EML6: variants seen among roughly 807,000 people sequenced by gnomAD.
EML6 encodes the protein EMAP like 6, also known as echinoderm microtubule-associated protein-like 6.
A neutral mutation model predicts 240.1 loss-of-function variants in EML6; 154 were observed. The observed-to-expected ratio is 0.64, with a 90% confidence interval of 0.56 to 0.73. The LOEUF (loss-of-function observed/expected upper bound fraction) is 0.73, where lower values mean the gene tolerates loss of function less well. Among genes scored for constraint, EML6 ranks in the 30% least tolerant of loss-of-function variants. The pLI is 0.00. For missense variants in EML6, 2,964 were observed against 2,474.6 expected (o/e 1.20, Z -4.20); for synonymous variants, 1,148 against 899.0 (o/e 1.28, Z -4.95).
rs1482177196 is a variant in EML6 at position 54,970,252 on chromosome 2, T to C, written c.*157T>C. The C allele has an allele frequency of 2.1e-5, 15 of 722,192 alleles. No individual in the cohort carries two copies. In the East Asian group the frequency reaches 3.5e-4, roughly 17 times the overall value. 44.7% of individuals were successfully genotyped at this position (722,192 alleles called of 1,614,324 possible). ...AACGCTGCAGAAGTTACACAACTGCTCCCATAATCTGGACTCTCCAAAACC... is the reference window on the plus strand; with the variant it reads ...AACGCTGCAGAAGTTACACAACTGCCCCCATAATCTGGACTCTCCAAAACC... On this transcript the variant is annotated 3_prime_UTR_variant, in exon 42 of 42. Transcript: ENST00000356458.
In EML6 at chr2:54,948,906, C is replaced by A; in HGVS notation, c.4029C>A (p.Pro1343=). 6.4e-7 allele frequency: 1 copy of A among 1,551,456 alleles called. No individual in the cohort carries two copies. The highest frequency in any genetic ancestry group is 8.7e-7 in the Non-Finnish European group (1 of 1,146,950). The change falls in exon 29 of 42, where the codon CCC becomes CCA. Residue 1343 remains proline (P), a synonymous_variant. Coordinates refer to ENST00000356458, the MANE Select transcript of EML6 (RefSeq NM_001039753.4). The stretch of plus-strand genomic sequence containing the variant: ...GACCACCCGTTAGCCGAGCAGCTCC[C>A]CAGCCTGAGAAACTGCAGAAGAACA... ...EERPPVSRAA[P]QPEKLQKNNI...
chr2:54,830,666 CCT>C (rs1668823985), intron 7 of EML6, among the ~76,000 whole-genome samples: 1 of 152,166 alleles, frequency 6.6e-6, no homozygotes, highest in African/African-American at 2.4e-5. Flanking sequence ...GAGAAAACAG[CCT>C]AGACGGCATA....
chr2:54,951,856 C>G (rs76413500), intron 30 of EML6, among the ~76,000 whole-genome samples: 3,139 of 152,246 alleles, frequency 0.021, 102 homozygotes, highest in African/African-American at 0.065. Flanking sequence ...TATATATTTT[C>G]TTCACTTTCT....
At chr2:54,928,255 C>T (rs1174041633) in intron 26 of EML6, 58 bp from the exon 27 acceptor site, 25 of 1,321,270 alleles carry the variant, frequency 1.9e-5, no homozygotes, top group Middle Eastern at 1.9e-4. Context: ...CATGGATAAA[C>T]GAGCCCAGAG....
At chr2:54,731,538 G>A in intron 2 of EML6, among the ~76,000 whole-genome samples, 1 of 152,008 alleles carries the variant, frequency 6.6e-6, no homozygotes, top group South Asian at 2.1e-4. Context: ...CTACTTGGGA[G>A]CCTGGAAGGT....
chr2:54,970,009 TGCC>T, intron 41 of EML6, 59 bp from the exon 42 acceptor site: 1 of 1,535,778 alleles, frequency 6.5e-7, no homozygotes, highest in South Asian at 1.2e-5. Flanking sequence ...GATTGTTTTT[TGCC>T]ACTTGACACA....
intron 7 of EML6, 57 bp downstream of exon 7, chr2:54,829,534 C>G (rs746988282): frequency 1.4e-6 from 2 of 1,386,012 alleles, no homozygotes; most frequent in Non-Finnish European, 2.0e-6. Context: ...ATGTGAAGTT[C>G]TGTATTCATA....
chr2:54,949,667 G>C (rs115315801), intron 29 of EML6, among the ~76,000 whole-genome samples: 1,784 of 152,260 alleles, frequency 0.012, 19 homozygotes, highest in Middle Eastern at 0.034. Flanking sequence ...CATGCCTCAT[G>C]CTGGCCTTCA....
intron 12 of EML6, 45 bp downstream of exon 12, chr2:54,859,746 G>A (rs970415993): frequency 2.0e-6 from 3 of 1,477,134 alleles, no homozygotes; most frequent in Non-Finnish European, 2.7e-6. Context: ...TTTTTCAATA[G>A]GCATTTCAAA....
chr2:54,830,852 T>C (rs1668834517), intron 7 of EML6, among the ~76,000 whole-genome samples: 1 of 152,192 alleles, frequency 6.6e-6, no homozygotes, highest in South Asian at 2.1e-4. Flanking sequence ...GATTGGACTC[T>C]TGTCTTCTCA....
rs1572961637 is a variant in EML6, at chr2:54,827,660, A to G, written c.620A>G (p.Lys207Arg). 6.4e-7 allele frequency: 1 copy of G among 1,551,704 alleles called. No homozygotes were observed. The highest frequency in any genetic ancestry group is 2.4e-5 in the East Asian group (1 of 40,920). The change falls in exon 6 of 42, where the codon AAA becomes AGA. Residue 207 changes from lysine to arginine, a missense_variant. Transcript: ENST00000356458. ...LQTILCLACA[K>R]EDITYSGALN... ...ACCATCCTTTGCCTTGCATGTGCCAAAGAAGACATCACCTACTCTGGTGCT... is the reference window on the plus strand; with the variant it reads ...ACCATCCTTTGCCTTGCATGTGCCAGAGAAGACATCACCTACTCTGGTGCT...
rs1341600476 is a variant in EML6, at chr2:54,960,351, C to T, written c.4968+17C>T. 2.0e-6 allele frequency: 3 copies of T among 1,534,394 alleles called. No homozygotes were observed. The highest frequency in any genetic ancestry group is 2.4e-5 in the South Asian group (2 of 83,766). On this transcript the variant is annotated intron_variant, in intron 35 of 41. Coordinates refer to ENST00000356458, the MANE Select transcript of EML6 (RefSeq NM_001039753.4). ...CGTGGAAAAGTGAGCACAGCCAGCT[C>T]CCCTGGGGGCTGGGCCAGGGAAGGG...
At chr2:54,937,614 T>C (rs2104431529) in intron 28 of EML6, among the ~76,000 whole-genome samples, 2 of 149,578 alleles carry the variant, frequency 1.3e-5, no homozygotes, top group Admixed American at 6.7e-5. Flanking sequence ...GCTTAAATTA[T>C]ATTGCCTTAG....
intron 28 of EML6, among the ~76,000 whole-genome samples, chr2:54,934,129 T>G (rs552215343): frequency 6.6e-6 from 1 of 152,212 alleles, no homozygotes; most frequent in Non-Finnish European, 1.5e-5. Flanking sequence ...GTAATGTGAA[T>G]GTTGGAAAAT....
At chr2:54,890,729 C>T (rs2104090299) in intron 17 of EML6, among the ~76,000 whole-genome samples, 1 of 152,254 alleles carries the variant, frequency 6.6e-6, no homozygotes, top group East Asian at 1.9e-4. Context: ...CTGCACATCC[C>T]CACAATTACT....
rs1045253770 is a variant in EML6, at chr2:54,895,318, G to A, written c.2900G>A (p.Gly967Glu). The change falls in exon 21 of 42, where the codon GGA becomes GAA. Residue 967 changes from glycine to glutamate, a missense_variant. By Grantham distance (98) the Gly-to-Glu change is moderately conservative (BLOSUM62 -2). Transcript: ENST00000356458. Reference sequence around the variant, plus strand: ...CCTTCAATTCGTGCCATCACTTTGGGACATGGACATATCCTGGTGGGAACA... The same window carrying A: ...CCTTCAATTCGTGCCATCACTTTGGAACATGGACATATCCTGGTGGGAACA... ...DNPSIRAITL[G>E]HGHILVGTKN... 1 of 1,551,864 alleles carries A rather than the reference G, an allele frequency of 6.4e-7. No homozygotes were observed. Among genetic ancestry groups the A allele is most frequent in the Non-Finnish European group, 8.7e-7 (1 of 1,146,936 alleles).
chr2:54,867,574 T>A (rs1465021211), intron 14 of EML6: 1 of 152,128 alleles, frequency 6.6e-6, no homozygotes, highest in Non-Finnish European at 1.5e-5. Flanking sequence ...CGAGACATGG[T>A]GAAATCTCAT....
intron 2 of EML6, among the ~76,000 whole-genome samples, chr2:54,808,229 C>T (rs568225538): frequency 2.0e-5 from 3 of 152,244 alleles, no homozygotes; most frequent in South Asian, 2.1e-4. Context: ...CTAAGCGCAT[C>T]TCTTGGGACC....
In EML6 at chr2:54,774,462, CCAACAGCACTACCAG is replaced by C. The variant is rs558853562; in HGVS notation, c.198-38764_198-38750del. Among the ~76,000 whole-genome samples the C allele has an allele frequency of 1.9e-4, 29 of 152,240 alleles. 1 individual carries two copies. The East Asian group carries it at 4.8e-3, about 25-fold the overall frequency. On this transcript the variant is annotated intron_variant, in intron 2 of 41. Coordinates refer to ENST00000356458, the MANE Select transcript of EML6 (RefSeq NM_001039753.4). The surrounding 1 kb of genome is among the most constrained non-coding windows in gnomAD (Gnocchi z 4.1). ...AGCCTGACAGACAGAGGCCTTCTGGCCAACAGCACTACCAGCAACATATCCTTCATGGAAGGGGGT... is the reference window on the plus strand; with the variant it reads ...AGCCTGACAGACAGAGGCCTTCTGGCCAACATATCCTTCATGGAAGGGGGT...
Sources: gnomAD v4.1 joint callset for allele counts (sites outside exome capture counted in the v4.1 genomes callset) on GRCh38, gnomAD v4.1.1 for gene constraint, Gnocchi (gnomAD v3.1) non-coding constraint, MANE v1.5 for transcripts, NCBI Gene and HGNC (gene_info 2026-07-23, HGNC 2026-07-21) for gene names.